The following ARMC10 variants were observed in gnomAD, a reference collection of about 807,000 sequenced individuals.
The protein encoded by ARMC10 is armadillo repeat containing 10.
Under a neutral mutation model 30.2 loss-of-function variants are expected in ARMC10, and 23 were observed. The ratio of observed to expected loss-of-function variants is 0.76; its 90% CI spans 0.55 to 1.08. The LOEUF (loss-of-function observed/expected upper bound fraction) is 1.08, where lower values mean the gene tolerates loss of function less well. ARMC10 is among the 50% of genes least tolerant of loss of function. The pLI, the probability that ARMC10 is intolerant of heterozygous loss-of-function variation, is 0.00. For synonymous variants in ARMC10, 111 were observed against 164.4 expected (o/e 0.68, Z 2.48); for missense variants, 303 against 413.7 (o/e 0.73, Z 2.32).
chr7:103,079,809 T>C (rs974923339), intron 2 of ARMC10, among the ~76,000 whole-genome samples: 4 of 152,236 alleles, frequency 2.6e-5, no homozygotes, highest in Non-Finnish European at 5.9e-5. Context: ...ATATCATTCA[T>C]GATAGCTATA....
intron 1 of ARMC10, among the ~76,000 whole-genome samples, 181 bp downstream of exon 1, chr7:103,075,592 T>G (rs1414842801): frequency 2.0e-5 from 3 of 152,248 alleles, no homozygotes; most frequent in Non-Finnish European, 2.9e-5. Context: ...TATACTGGTA[T>G]GAAAACTTGC....
chr7:103,076,673 A>G (rs963507665), intron 2 of ARMC10, among the ~76,000 whole-genome samples: 1 of 152,132 alleles, frequency 6.6e-6, no homozygotes, highest in Non-Finnish European at 1.5e-5. Flanking sequence ...CATCTCTACT[A>G]AAAATACAAA....
chr7:103,093,007 A>C (rs1438630121), intron 5 of ARMC10, among the ~76,000 whole-genome samples: 1 of 152,202 alleles, frequency 6.6e-6, no homozygotes, highest in African/African-American at 2.4e-5. Flanking sequence ...TTTGTTGAAA[A>C]ATATTTCTAA....
intron 5 of ARMC10, among the ~76,000 whole-genome samples, chr7:103,093,733 T>G (rs1318939770): frequency 6.6e-6 from 1 of 152,204 alleles, no homozygotes; most frequent in Non-Finnish European, 1.5e-5. Flanking sequence ...TGCCTGACTC[T>G]GCAGCTGCTT....
At chr7:103,078,398 T>G (rs1454880506) in intron 2 of ARMC10, among the ~76,000 whole-genome samples, 3 of 152,204 alleles carry the variant, frequency 2.0e-5, no homozygotes, top group African/African-American at 7.2e-5. Flanking sequence ...TCTCAGGAGA[T>G]CTGATGGTTT....
chr7:103,097,341 G>A lies in ARMC10; in HGVS notation c.770G>A (p.Arg257His), dbSNP rs763212283. 14 of 1,609,640 alleles carry A rather than the reference G, an allele frequency of 8.7e-6. No homozygotes were observed. Among genetic ancestry groups the A allele is most frequent in the South Asian group, 4.4e-5 (4 of 90,976 alleles). Residue 257 changes from arginine to histidine, a missense_variant, in exon 6 of 7, where the codon CGT becomes CAT. This residue lies in a region of ARMC10 where 170 missense variants were observed against 207.2 expected (regional missense o/e 0.82). Coordinates refer to ENST00000323716, the MANE Select transcript of ARMC10 (RefSeq NM_031905.5). ...CCAGCCATGACAGAAGGACTTCTCC[G>A]TGCCCAAGTAAATAGCTTATATATT... Reference protein sequence around the residue: ...ENPAMTEGLLRAQVDSSFLSL... With the variant: ...ENPAMTEGLLHAQVDSSFLSL...
At chr7:103,082,405 CAA>C (rs11354159) in intron 2 of ARMC10, among the ~76,000 whole-genome samples, 482 of 141,326 alleles carry the variant, frequency 3.4e-3, no homozygotes, top group Non-Finnish European at 3.9e-3. Flanking sequence ...CTGTTTATTG[CAA>C]AAAAAAAAAA....
chr7:103,098,281 CATT>C lies in ARMC10; in HGVS notation c.778-17_778-15del, dbSNP rs1198488140. 2.4e-5 allele frequency: 35 copies of C among 1,428,680 alleles called. No individual in the cohort carries two copies. The highest frequency in any genetic ancestry group is 2.2e-4 in the Middle Eastern group (1 of 4,518). The allele number at this position is 1,428,680 out of a possible 1,614,324, so 88.5% of individuals were successfully genotyped here. ...TATATTATTAATATAAAATAATACT[CATT>C]GTTTCATATTTCAGGTGGATTCATC... is the stretch of plus-strand genomic sequence containing the variant. On this transcript the variant is annotated splice_polypyrimidine_tract_variant and intron_variant, in intron 6 of 6. Coordinates refer to ENST00000323716, the MANE Select transcript of ARMC10 (RefSeq NM_031905.5).
intron 2 of ARMC10, among the ~76,000 whole-genome samples, chr7:103,082,243 T>C (rs996859280): frequency 6.6e-6 from 1 of 152,224 alleles, no homozygotes; most frequent in African/African-American, 2.4e-5. Context: ...ATTTCTTATT[T>C]GGCTTCCTCA....
intron 6 of ARMC10, 115 bp downstream of exon 6, chr7:103,097,463 T>A: frequency 1.5e-6 from 1 of 652,388 alleles, no homozygotes; most frequent in Non-Finnish European, 2.4e-6. Flanking sequence ...TGAGGAGCAG[T>A]ATTAAAGGTG....
At chr7:103,097,238 C>G (rs767738191) in intron 5 of ARMC10, 39 bp from the exon 6 acceptor site, 1 of 1,539,678 alleles carries the variant, frequency 6.5e-7, no homozygotes. Context: ...AAAATTCATG[C>G]TTGCCAGTCT....
intron 1 of ARMC10, 32 bp from the exon 2 acceptor site, chr7:103,075,745 G>T (rs544393846): frequency 2.0e-6 from 3 of 1,530,840 alleles, no homozygotes; most frequent in East Asian, 2.4e-5. Context: ...CTGTTGAGGG[G>T]CCCAGAGCCA....
intron 2 of ARMC10, among the ~76,000 whole-genome samples, chr7:103,081,589 G>A (rs1312581258): frequency 2.6e-5 from 4 of 152,050 alleles, no homozygotes; most frequent in African/African-American, 9.7e-5. Flanking sequence ...TGGCCAGGCT[G>A]GTCTCAGACT....
rs1393675425 is a variant in ARMC10 at position 103,075,862 on chromosome 7, G to A, written c.225G>A (p.Trp75Ter). The change falls in exon 2 of 7, where the codon TGG (tryptophan) becomes TGA (stop). Residue 75 changes from tryptophan (W) to a stop codon, truncating the protein, a stop_gained. Transcript: ENST00000323716. LOFTEE classifies it high-confidence loss of function. Reference sequence around the variant, plus strand: ...CGGGAGGTACCTGGGAGTCACAGTGGTCCAAGACCTCGCAGCCTGGTGTGT... The same window carrying A: ...CGGGAGGTACCTGGGAGTCACAGTGATCCAAGACCTCGCAGCCTGGTGTGT... Reference protein sequence around the residue: ...PQTGGTWESQWSKTSQPEDLT... With the variant: ...PQTGGTWESQ 6.2e-7 allele frequency: 1 copy of A among 1,605,708 alleles called. No homozygotes were observed. Among genetic ancestry groups the A allele is most frequent in the South Asian group, 1.1e-5 (1 of 89,662 alleles).
At position 103,083,786 on chromosome 7, in the gene ARMC10, G is replaced by A. The variant is rs766111577; in HGVS notation, c.349G>A (p.Ala117Thr). Residue 117 changes from alanine to threonine, a missense_variant, in exon 3 of 7, where the codon GCT (alanine) becomes ACT (threonine). Physicochemically the swap from Ala to Thr is moderately conservative, Grantham distance 58. Around this residue, in one of 4 missense-constraint regions of ARMC10, gnomAD observed 170 missense variants for 207.2 expected, o/e 0.82. Transcript: ENST00000323716. The stretch of plus-strand genomic sequence containing the variant: ...GGAGGATCCTGTAATTATTGAAAGA[G>A]CTTTGATTACTTTGGGTAACAATGC... The part of the protein sequence containing the change: ...STEDPVIIER[A>T]LITLGNNAAF... 42 of 1,614,002 alleles carry A rather than the reference G, an allele frequency of 2.6e-5. No individual in the cohort carries two copies. Among genetic ancestry groups the A allele is most frequent in the Admixed American group, 1.0e-4 (6 of 60,000 alleles).
rs376756360 is a variant in ARMC10 at position 103,090,644 on chromosome 7, C to T, written c.529-1833C>T. Among the ~76,000 whole-genome samples, 7 of 152,008 alleles carry T rather than the reference C, an allele frequency of 4.6e-5. No individual in the cohort carries two copies. In the East Asian group the frequency reaches 1.4e-3, roughly 29 times the overall value. On this transcript the variant is annotated intron_variant, in intron 4 of 6. Coordinates refer to ENST00000323716, the MANE Select transcript of ARMC10 (RefSeq NM_031905.5). ...TCCTGAGTAGCTGGGATTACAGGTGCCCACCACCACGCTTGCAATTTTTTG... is the reference window on the plus strand; with the variant it reads ...TCCTGAGTAGCTGGGATTACAGGTGTCCACCACCACGCTTGCAATTTTTTG...
At position 103,097,496 on chromosome 7, in the gene ARMC10, G is replaced by A. The variant is rs138847407; in HGVS notation, c.777+148G>A. On this transcript the variant is annotated intron_variant, in intron 6 of 6. Coordinates refer to ENST00000323716, the MANE Select transcript of ARMC10 (RefSeq NM_031905.5). ...GTGGTTTTTTAAATTCATTTTGTATGTGTAAATTTCCTAAATTTTTTGCAA... is the reference window on the plus strand; with the variant it reads ...GTGGTTTTTTAAATTCATTTTGTATATGTAAATTTCCTAAATTTTTTGCAA... The A allele has an allele frequency of 1.7e-3, 875 of 516,774 alleles. 11 individuals carry two copies. The highest frequency in any genetic ancestry group is 0.015 in the African/African-American group (772 of 51,422). The allele number at this position is 516,774 out of a possible 1,614,324, so 32.0% of individuals were successfully genotyped here.
Position 103,099,260 on chromosome 7 carries a change from C to G in ARMC10, c.*707C>G, listed in dbSNP as rs1018002991. 6.8e-6 allele frequency: 1 copy of G among 147,748 alleles called. No homozygotes were observed. The highest frequency in any genetic ancestry group is 2.5e-5 in the African/African-American group (1 of 40,488). 9.2% of individuals were successfully genotyped at this position (147,748 alleles called of 1,614,324 possible). A position where few individuals can be genotyped will look rare whatever the true frequency, so the allele number is the denominator to read the frequency against. Reference sequence around the variant, plus strand: ...CTGAGGCGGGCAGATCACCTGAGATCGGGAGTTTGAGACCAAGCCTGACCA... The same window carrying G: ...CTGAGGCGGGCAGATCACCTGAGATGGGGAGTTTGAGACCAAGCCTGACCA... On this transcript the variant is annotated 3_prime_UTR_variant, in exon 7 of 7. Transcript: ENST00000323716.
intron 5 of ARMC10, among the ~76,000 whole-genome samples, chr7:103,092,958 T>C (rs1160306559): frequency 6.6e-6 from 1 of 151,096 alleles, no homozygotes; most frequent in African/African-American, 2.4e-5. Context: ...AATATTTTGC[T>C]TACCTCAGGG....
Sources: gnomAD v4.1 joint callset for allele counts (sites outside exome capture counted in the v4.1 genomes callset) on GRCh38, gnomAD v4.1.1 for gene constraint, gnomAD v4.1.1 regional missense constraint, MANE v1.5 for transcripts, NCBI Gene and HGNC (gene_info 2026-07-23, HGNC 2026-07-21) for gene names.